The following AAMDC variants were observed in gnomAD, a reference collection of about 807,000 sequenced individuals.
AAMDC encodes mth938 domain-containing protein.
In AAMDC, 16 loss-of-function variants were observed where a neutral mutation model predicts 15.5. The observed-to-expected ratio is 1.03, with a 90% CI of 0.70 to 1.57. AAMDC has a LOEUF of 1.57. Among genes scored for constraint, AAMDC ranks in the 40% most tolerant of loss-of-function variants. AAMDC has a pLI of 0.00. For missense variants in AAMDC, 141 were observed against 144.9 expected, an observed-to-expected ratio of 0.97 and a Z score of 0.14; for synonymous variants, 51 against 51.6, an observed-to-expected ratio of 0.99 and a Z score of 0.05.
At chr11:77,855,720 C>CTTTTTTTTTTTT (rs374235923) in intron 2 of AAMDC, among the ~76,000 whole-genome samples, 1 of 127,978 alleles carries the variant, frequency 7.8e-6, no homozygotes, top group Non-Finnish European at 1.6e-5. Context: ...AGTTTTATGT[C>CTTTTTTTTTTTT]TTTTTTTTTT....
At chr11:77,883,496 T>G (rs1322353054) in intron 5 of AAMDC, among the ~76,000 whole-genome samples, 2 of 152,196 alleles carry the variant, frequency 1.3e-5, no homozygotes, top group Non-Finnish European at 2.9e-5. Context: ...GAGAGACTTG[T>G]CTAAGGTGAC....
rs767825535 is a variant in AAMDC, at chr11:77,872,210, T to C, written c.264T>C (p.His88=). 10 of 1,613,850 alleles carry C rather than the reference T, an allele frequency of 6.2e-6. No individual in the cohort carries two copies. Among genetic ancestry groups the C allele is most frequent in the South Asian group, 5.5e-5 (5 of 91,034 alleles). ...CAACTGTGGAGTACCTCAAGAAACA[T>C]GGCATTGATGTGCGGGTCCTCCAGA... ...PSSTVEYLKK[H]GIDVRVLQTE... The change falls in exon 4 of 4, where the codon CAT becomes CAC. Residue 88 remains histidine, a synonymous_variant. Transcript: ENST00000393427.
chr11:77,898,837 T>C (rs1952645979), intron 5 of AAMDC, among the ~76,000 whole-genome samples: 3 of 151,968 alleles, frequency 2.0e-5, no homozygotes, highest in Non-Finnish European at 1.5e-5. Context: ...ATGGCCAACA[T>C]GGTAAAACCC....
chr11:77,821,398 G>T (rs576893069), intron 1 of AAMDC, among the ~76,000 whole-genome samples, 157 bp downstream of exon 1: 3 of 152,284 alleles, frequency 2.0e-5, no homozygotes, highest in East Asian at 3.9e-4. Flanking sequence ...TTAGGGGCTG[G>T]GCTGGGACCT....
chr11:77,840,955 A>G (rs1590937702), intron 1 of AAMDC: 1 of 487,800 alleles, frequency 2.1e-6, no homozygotes, highest in Non-Finnish European at 3.7e-6. Flanking sequence ...TTGTGCTCCT[A>G]TAACTGAATA....
intron 2 of AAMDC, among the ~76,000 whole-genome samples, chr11:77,854,614 G>T (rs1222470341): frequency 2.6e-5 from 4 of 152,232 alleles, no homozygotes; most frequent in Admixed American, 2.0e-4. Flanking sequence ...GGTTCCCAAG[G>T]CTTTGGGCAG....
intron 2 of AAMDC, among the ~76,000 whole-genome samples, chr11:77,857,583 ATTTAT>A (rs1476178746): frequency 1.3e-5 from 2 of 151,790 alleles, no homozygotes; most frequent in Non-Finnish European, 2.9e-5. Context: ...TTATTTATTT[ATTTAT>A]TTTAATTTTA....
intron 5 of AAMDC, among the ~76,000 whole-genome samples, chr11:77,900,304 T>C (rs1367775026): frequency 6.6e-6 from 1 of 152,052 alleles, no homozygotes; most frequent in Non-Finnish European, 1.5e-5. Flanking sequence ...TTTCACCATG[T>C]TAGCCAGGAT....
intron 1 of AAMDC, among the ~76,000 whole-genome samples, chr11:77,833,696 G>T (rs1031953336): frequency 4.6e-5 from 7 of 152,078 alleles, no homozygotes; most frequent in Non-Finnish European, 1.5e-5. Flanking sequence ...TACTTCATTT[G>T]TACCTATTAG....
rs76152439 is a variant in AAMDC, at chr11:77,896,829, C to T, written c.329-3742C>T. Among the ~76,000 whole-genome samples the T allele has an allele frequency of 3.0e-3, 440 of 146,888 alleles. 2 individuals are homozygous for T. The highest frequency in any genetic ancestry group is 0.01 in the African/African-American group (412 of 39,962). ...GGAGGAAAAAAAAAAATCCCTGAGCCAAAAACAGCTGATACTTCAAACTCC... is the reference window on the plus strand; with the variant it reads ...GGAGGAAAAAAAAAAATCCCTGAGCTAAAAACAGCTGATACTTCAAACTCC... On this transcript the variant is annotated intron_variant, in intron 5 of 5. Transcript: ENST00000304716.
chr11:77,879,903 T>C (rs924996420), intron 5 of AAMDC, among the ~76,000 whole-genome samples: 1 of 152,176 alleles, frequency 6.6e-6, no homozygotes, highest in African/African-American at 2.4e-5. Flanking sequence ...CTTATCCTGC[T>C]ACATTATGAA....
At position 77,844,414 on chromosome 11, in the gene AAMDC, G is replaced by C. The variant is rs568983969; in HGVS notation, c.132+1786G>C. 1.6e-4 allele frequency among the ~76,000 whole-genome samples: 25 copies of C among 152,130 alleles called. No homozygotes were observed. In the South Asian group the frequency reaches 4.6e-3, roughly 28 times the overall value. Reference sequence around the variant, plus strand: ...GTCTCCCTCTGTCGTCCAGGCTAGAGTGCAGTGGTGAGATCATGGCGCACT... The same window carrying C: ...GTCTCCCTCTGTCGTCCAGGCTAGACTGCAGTGGTGAGATCATGGCGCACT... On this transcript the variant is annotated intron_variant, in intron 2 of 3. Transcript: ENST00000393427.
chr11:77,825,105 C>T (rs941298724), intron 1 of AAMDC, among the ~76,000 whole-genome samples: 1 of 152,088 alleles, frequency 6.6e-6, no homozygotes, highest in African/African-American at 2.4e-5. Context: ...CTCAGCCTCC[C>T]GAGTAGCTGG....
In AAMDC at chr11:77,884,384, T is replaced by C. The variant is rs555621106; in HGVS notation, c.328+7335T>C. Among the ~76,000 whole-genome samples, 307 of 152,298 alleles carry C rather than the reference T, an allele frequency of 2.0e-3. 4 individuals carry two copies. Among genetic ancestry groups the C allele is most frequent in the Non-Finnish European group, 8.4e-4 (57 of 68,022 alleles). On this transcript the variant is annotated intron_variant, in intron 5 of 5. Coordinates refer to the AAMDC transcript ENST00000304716. ...TACATTGCAAGCAGCTAGGAAGTCA[T>C]TTATCTCTCTCTCTACGGAGAGACG...
intron 5 of AAMDC, among the ~76,000 whole-genome samples, chr11:77,899,651 C>T (rs907793803): frequency 6.7e-6 from 1 of 149,540 alleles, no homozygotes; most frequent in African/African-American, 2.5e-5. Flanking sequence ...GCCTGGGCAA[C>T]AAGAGCGAGA....
chr11:77,905,424 T>C (rs1275071118), downstream of AAMDC, among the ~76,000 whole-genome samples: 2 of 151,246 alleles, frequency 1.3e-5, no homozygotes, highest in African/African-American at 4.9e-5. Flanking sequence ...CACGCCACTG[T>C]ATTCAGCCTG....
downstream of AAMDC, among the ~76,000 whole-genome samples, chr11:77,904,487 TTTCTC>T (rs1450603593): frequency 6.6e-6 from 1 of 152,204 alleles, no homozygotes; most frequent in Non-Finnish European, 1.5e-5. Context: ...TAGTTTACAT[TTTCTC>T]TTCATACTAA....
chr11:77,892,740 G>A (rs894860928), intron 5 of AAMDC, among the ~76,000 whole-genome samples: 34 of 151,928 alleles, frequency 2.2e-4, no homozygotes, highest in African/African-American at 7.0e-4. Flanking sequence ...CCACCACCAC[G>A]CCCTACTAAT....
intron 5 of AAMDC, among the ~76,000 whole-genome samples, chr11:77,897,505 A>AT (rs1184504626): frequency 4.6e-5 from 7 of 150,714 alleles, no homozygotes; most frequent in Admixed American, 1.3e-4. Flanking sequence ...TATTATTATT[A>AT]TTATTTTTTT....
Sources: allele counts gnomAD v4.1 joint callset (sites outside exome capture counted in the v4.1 genomes callset), GRCh38; gene constraint gnomAD v4.1.1; transcripts MANE v1.5; gene names NCBI Gene and HGNC (gene_info 2026-07-23, HGNC 2026-07-21).